The following CNPY1 variants were observed in gnomAD, a reference collection of about 807,000 sequenced individuals.
CNPY1 encodes protein canopy homolog 1.
Under a neutral mutation model 14.4 loss-of-function variants are expected in CNPY1, and 14 were observed. The observed-to-expected ratio is 0.97, with a 90% CI of 0.64 to 1.52. CNPY1 has a LOEUF of 1.52. CNPY1 is among the 40% of genes most tolerant of loss of function. CNPY1 has a pLI of 0.00. For synonymous variants in CNPY1, 43 were observed against 46.5 expected (o/e 0.92, Z 0.31); for missense variants, 129 against 131.5 (o/e 0.98, Z 0.09).
At chr7:155,523,873 A>T (rs1400665049) in intron 2 of CNPY1, among the ~76,000 whole-genome samples, 2 of 152,210 alleles carry the variant, frequency 1.3e-5, no homozygotes, top group Non-Finnish European at 2.9e-5. Flanking sequence ...CTTACCAGTC[A>T]CATGGTAAGA....
rs1177486807 is a variant in CNPY1 at position 155,546,537 on chromosome 7, T to C, written c.-123A>G. On this transcript the variant is annotated 5_prime_UTR_variant, in exon 1 of 5. Transcript: ENST00000636446. ...TATTTTTTGAGACAGAGTCTTGCTC[T>C]GTCACCCAGGCTGGAGTGCAGTGGT... The C allele has an allele frequency of 1.8e-5, 7 of 395,604 alleles. No individual in the cohort carries two copies. Among genetic ancestry groups the C allele is most frequent in the Admixed American group, 4.4e-5 (1 of 22,658 alleles). The allele number at this position is 395,604 out of a possible 1,614,324, so 24.5% of individuals were successfully genotyped here. A position where few individuals can be genotyped will look rare whatever the true frequency, so the allele number is the denominator to read the frequency against.
At chr7:155,524,815 C>T (rs971804431) in intron 2 of CNPY1, among the ~76,000 whole-genome samples, 1 of 134,978 alleles carries the variant, frequency 7.4e-6, no homozygotes, top group Non-Finnish European at 1.6e-5. Flanking sequence ...AATTGTCATC[C>T]ATGAAACCGA....
Position 155,539,767 on chromosome 7 carries a change from G to A in CNPY1, c.99+6064C>T, listed in dbSNP as rs529895898. Among the ~76,000 whole-genome samples the A allele has an allele frequency of 3.4e-4, 52 of 152,334 alleles. 1 individual carries two copies. The highest frequency in any genetic ancestry group is 6.8e-3 in the Middle Eastern group (2 of 294). On this transcript the variant is annotated intron_variant, in intron 2 of 4. Transcript: ENST00000636446. ...ATGAGACTCCAACAAGGGCAAGATG[G>A]TTGAGACTTAAATACCCTTTTCATG... is the stretch of plus-strand genomic sequence containing the variant.
intron 2 of CNPY1, among the ~76,000 whole-genome samples, chr7:155,540,266 A>G (rs75614521): frequency 0.011 from 1,651 of 152,334 alleles, 29 homozygotes; most frequent in African/African-American, 0.038. Flanking sequence ...AAGGACTTCC[A>G]ATGTCCTTTA....
intron 2 of CNPY1, among the ~76,000 whole-genome samples, chr7:155,529,060 CAA>C (rs71990734): frequency 1.4e-5 from 2 of 145,210 alleles, no homozygotes; most frequent in African/African-American, 2.5e-5. Flanking sequence ...GACTCCATAT[CAA>C]AAAAAAAAAG....
chr7:155,523,695 G>A (rs1468570864), intron 2 of CNPY1, among the ~76,000 whole-genome samples: 2 of 152,180 alleles, frequency 1.3e-5, no homozygotes, highest in African/African-American at 4.8e-5. Flanking sequence ...GGATCCCCCA[G>A]TCATAAAACC....
At chr7:155,538,071 T>G (rs1797043880) in intron 2 of CNPY1, among the ~76,000 whole-genome samples, 1 of 152,214 alleles carries the variant, frequency 6.6e-6, no homozygotes. Flanking sequence ...AATAACCTCT[T>G]TTTTGCACTT....
At chr7:155,523,348 G>A (rs976032112) in intron 2 of CNPY1, among the ~76,000 whole-genome samples, 3 of 152,184 alleles carry the variant, frequency 2.0e-5, no homozygotes, top group Non-Finnish European at 2.9e-5. Flanking sequence ...TGCACGGGTC[G>A]GTGTGGCGGG....
chr7:155,537,322 G>A (rs777137433), intron 2 of CNPY1, among the ~76,000 whole-genome samples: 16 of 152,192 alleles, frequency 1.1e-4, no homozygotes, highest in South Asian at 4.1e-4. Flanking sequence ...GGATTGCATC[G>A]GTTCCTGAGG....
chr7:155,545,434 C>T (rs1446184736), intron 2 of CNPY1, among the ~76,000 whole-genome samples: 1 of 152,204 alleles, frequency 6.6e-6, no homozygotes, highest in Non-Finnish European at 1.5e-5. Flanking sequence ...AACCTGCACC[C>T]CCAACTAGAA....
intron 2 of CNPY1, among the ~76,000 whole-genome samples, chr7:155,535,182 T>C (rs1447250652): frequency 6.6e-6 from 1 of 152,230 alleles, no homozygotes. Context: ...GTGGGGCTCC[T>C]GCCTTTGCCT....
chr7:155,518,645 A>G (rs1461923677), intron 2 of CNPY1: 1 of 152,208 alleles, frequency 6.6e-6, no homozygotes, highest in Admixed American at 6.5e-5. Flanking sequence ...GGTTCCTGGC[A>G]CCTGTCTTAA....
At chr7:155,527,659 C>G (rs927567614) in intron 2 of CNPY1, among the ~76,000 whole-genome samples, 1 of 151,284 alleles carries the variant, frequency 6.6e-6, no homozygotes, top group African/African-American at 2.4e-5. Flanking sequence ...CCTGTGTTGC[C>G]CAGGCTGGTC....
At chr7:155,509,222 C>T (rs771828876) in intron 2 of CNPY1, 125 bp from the exon 3 acceptor site, 2 of 567,540 alleles carry the variant, frequency 3.5e-6, no homozygotes, top group Non-Finnish European at 6.1e-6. Flanking sequence ...TTCCCTAGCA[C>T]GGGCCCAGAA....
At chr7:155,543,972 C>G (rs189378225) in intron 2 of CNPY1, among the ~76,000 whole-genome samples, 1 of 152,314 alleles carries the variant, frequency 6.6e-6, no homozygotes, top group South Asian at 2.1e-4. Flanking sequence ...TCAACTTGAT[C>G]GCCTTGAAGT....
chr7:155,540,847 C>T (rs1797076406), intron 2 of CNPY1, among the ~76,000 whole-genome samples: 1 of 152,194 alleles, frequency 6.6e-6, no homozygotes, highest in South Asian at 2.1e-4. Context: ...GCATGCGTAC[C>T]CTCATTCGGG....
At chr7:155,541,389 C>A (rs949545384) in intron 2 of CNPY1, among the ~76,000 whole-genome samples, 1 of 152,226 alleles carries the variant, frequency 6.6e-6, no homozygotes, top group Non-Finnish European at 1.5e-5. Flanking sequence ...CCCTGTACAT[C>A]GTGTATTACT....
At chr7:155,541,388 T>G (rs1407249046) in intron 2 of CNPY1, among the ~76,000 whole-genome samples, 1 of 152,210 alleles carries the variant, frequency 6.6e-6, no homozygotes, top group Non-Finnish European at 1.5e-5. Flanking sequence ...TCCCTGTACA[T>G]CGTGTATTAC....
At chr7:155,517,493 C>A (rs531897803) in intron 2 of CNPY1, among the ~76,000 whole-genome samples, 1 of 152,220 alleles carries the variant, frequency 6.6e-6, no homozygotes, top group Non-Finnish European at 1.5e-5. Flanking sequence ...CTGCTAGGTG[C>A]AGCCCAAGCC....
Sources: allele counts gnomAD v4.1 joint callset (sites outside exome capture counted in the v4.1 genomes callset), GRCh38; gene constraint gnomAD v4.1.1; transcripts MANE v1.5; gene names NCBI Gene and HGNC (gene_info 2026-07-23, HGNC 2026-07-21).